Variants in PRDM9 observed in about 807,000 individuals in gnomAD.
PRDM9 encodes histone-lysine N-methyltransferase PRDM9.
PRDM9 carries 47 observed loss-of-function variants against 55.6 expected under a neutral mutation model. The ratio of observed to expected loss-of-function variants is 0.85; its 90% CI spans 0.67 to 1.08. The LOEUF is 1.08. Ranked by LOEUF, PRDM9 falls within the 50% of genes least tolerant of loss-of-function variation. PRDM9 has a pLI of 0.00. For synonymous variants in PRDM9, 312 were observed against 375.7 expected, an observed-to-expected ratio of 0.83 and a Z score of 1.96; for missense variants, 867 against 1,040.3, an observed-to-expected ratio of 0.83 and a Z score of 2.29.
Position 23,525,702 on chromosome 5 carries a change from T to C in PRDM9, c.1145-531T>C, listed in dbSNP as rs575895469. On this transcript the variant is annotated intron_variant, in intron 10 of 10. Coordinates refer to ENST00000296682, the MANE Select transcript of PRDM9 (RefSeq NM_020227.4). ...CAGATTTGCTCACACATCTTCTCTT[T>C]AACCACATTTGTGGATCTCCAGCCT... Among the ~76,000 whole-genome samples the C allele has an allele frequency of 4.7e-4, 71 of 152,340 alleles. 1 individual carries two copies. The South Asian group carries it at 0.014, about 29-fold the overall frequency.
In PRDM9 at chr5:23,517,801, A is replaced by G. The variant is rs1579591753; in HGVS notation, c.302-80A>G. 3.6e-6 allele frequency: 5 copies of G among 1,371,670 alleles called. No homozygotes were observed. The East Asian group carries it at 9.2e-5, about 25-fold the overall frequency. The allele number at this position is 1,371,670 out of a possible 1,614,324, so 85.0% of individuals were successfully genotyped here. On this transcript the variant is annotated intron_variant, in intron 4 of 10. Coordinates refer to ENST00000296682, the MANE Select transcript of PRDM9 (RefSeq NM_020227.4). ...GACTCCGTCTCAAAAATAAAAAATA[A>G]AAATAAAAAATAGAAGAGAGAATCT...
rs367696112 is a variant in PRDM9, at chr5:23,522,588, C to G, written c.611-26C>G. 5.2e-4 allele frequency: 842 copies of G among 1,614,190 alleles called. 1 individual carries two copies. The highest frequency in any genetic ancestry group is 3.8e-3 in the Middle Eastern group (23 of 6,062). ...TCAAGGAACATGCATTACAACTTTC[C>G]TAATCTCTGCTTCCCTCACTTCCAG... On this transcript the variant is annotated intron_variant, in intron 7 of 10. Coordinates refer to ENST00000296682, the MANE Select transcript of PRDM9 (RefSeq NM_020227.4).
At chr5:23,525,734 TC>T (rs1739416843) in intron 10 of PRDM9, among the ~76,000 whole-genome samples, 1 of 152,140 alleles carries the variant, frequency 6.6e-6, no homozygotes, top group Admixed American at 6.5e-5. Flanking sequence ...GCCTGAGTGC[TC>T]TTAATAGATC....
rs745775729 is a variant in PRDM9, at chr5:23,526,672, G to A, written c.1584G>A (p.Glu528=). ...ISRIAKVKYG[E]CGQGFSVKSD... is the part of the protein sequence containing the mutation. Reference sequence around the variant, plus strand: ...GAATTGCAAAAGTCAAGTATGGAGAGTGTGGACAAGGTTTCAGTGTTAAAT... The same window carrying A: ...GAATTGCAAAAGTCAAGTATGGAGAATGTGGACAAGGTTTCAGTGTTAAAT... The change falls in exon 11 of 11, where the codon GAG becomes GAA. Residue 528 remains glutamate (E), a synonymous_variant. Coordinates refer to ENST00000296682, the MANE Select transcript of PRDM9 (RefSeq NM_020227.4). The A allele has an allele frequency of 1.9e-6, 3 of 1,614,134 alleles. No homozygotes were observed. Among genetic ancestry groups the A allele is most frequent in the South Asian group, 1.1e-5 (1 of 91,092 alleles).
Position 23,522,622 on chromosome 5 carries a change from A to T in PRDM9, c.619A>T (p.Met207Leu), listed in dbSNP as rs755766002. The T allele has an allele frequency of 1.2e-6, 2 of 1,614,228 alleles. No homozygotes were observed. Among genetic ancestry groups the T allele is most frequent in the African/African-American group, 1.3e-5 (1 of 75,046 alleles). The change falls in exon 8 of 11, where the codon ATG becomes TTG. Residue 207 changes from methionine (M) to leucine (L), a missense_variant. Physicochemically the swap from Met to Leu is conservative, Grantham distance 15. This residue lies in a region of PRDM9 where 662 missense variants were observed against 711.9 expected (regional missense o/e 0.93). Coordinates refer to ENST00000296682, the MANE Select transcript of PRDM9 (RefSeq NM_020227.4). ...GCTTCCCTCACTTCCAGATTGTGAGATGTGTCAGAACTTCTTCATTGACAG... is the reference window on the plus strand; with the variant it reads ...GCTTCCCTCACTTCCAGATTGTGAGTTGTGTCAGAACTTCTTCATTGACAG... ...PQDDDYLYCE[M>L]CQNFFIDSCA...
chr5:23,508,150 T>C (rs551304737), intron 1 of PRDM9, among the ~76,000 whole-genome samples: 1 of 152,102 alleles, frequency 6.6e-6, no homozygotes, highest in South Asian at 2.1e-4. Flanking sequence ...CCAAATCTCC[T>C]TTACCTGAGA....
At chr5:23,514,073 T>A (rs1420852102) in intron 4 of PRDM9, among the ~76,000 whole-genome samples, 2 of 152,214 alleles carry the variant, frequency 1.3e-5, no homozygotes, top group East Asian at 3.9e-4. Context: ...ATAAGTGACA[T>A]CTCGCTGTGG....
At chr5:23,519,732 T>C (rs1739288916) in intron 5 of PRDM9, among the ~76,000 whole-genome samples, 1 of 152,070 alleles carries the variant, frequency 6.6e-6, no homozygotes, top group South Asian at 2.1e-4. Context: ...CATTATTATC[T>C]TTCATGTTCA....
intron 4 of PRDM9, among the ~76,000 whole-genome samples, chr5:23,511,416 G>A (rs1239801875): frequency 6.6e-6 from 1 of 152,088 alleles, no homozygotes; most frequent in African/African-American, 2.4e-5. Context: ...CACAATATCA[G>A]CTCACTGCAA....
Position 23,526,282 on chromosome 5 carries a change from A to C in PRDM9, c.1194A>C (p.Ser398=). The C allele has an allele frequency of 6.2e-7, 1 of 1,614,160 alleles. No individual in the cohort carries two copies. Among genetic ancestry groups the C allele is most frequent in the South Asian group, 1.1e-5 (1 of 91,078 alleles). Residue 398 remains serine (S), a synonymous_variant, in exon 11 of 11, where the codon TCA becomes TCC. Transcript: ENST00000296682. ...HPCPSCCLAF[S]SQKFLSQHVE... ...GTCCCTCATGCTGTCTGGCCTTTTC[A>C]AGTCAGAAATTTCTCAGTCAACATG... is the stretch of plus-strand genomic sequence containing the variant.
chr5:23,510,179 C>T lies in PRDM9; in HGVS notation c.301+152C>T, dbSNP rs560238901. The T allele has an allele frequency of 1.5e-4, 120 of 810,408 alleles. No homozygotes were observed. The East Asian group carries it at 3.3e-3, about 22-fold the overall frequency. 50.2% of individuals were successfully genotyped at this position (810,408 alleles called of 1,614,324 possible). ...AAGCGATTCTCCTGCCTCAGCCTCC[C>T]AAGTAACTGGGATTACAAGCATCCA... is the stretch of plus-strand genomic sequence containing the variant. On this transcript the variant is annotated intron_variant, in intron 4 of 10. Transcript: ENST00000296682.
chr5:23,520,320 G>A (rs1358407217), intron 5 of PRDM9, among the ~76,000 whole-genome samples: 4 of 143,930 alleles, frequency 2.8e-5, no homozygotes, highest in South Asian at 2.2e-4. Context: ...AGCTGATATC[G>A]TGCCACTGCA....
Position 23,509,960 on chromosome 5 carries a change from G to A in PRDM9, c.234G>A (p.Arg78=), listed in dbSNP as rs771726385. The A allele has an allele frequency of 6.2e-7, 1 of 1,613,934 alleles. No individual in the cohort carries two copies. The highest frequency in any genetic ancestry group is 8.5e-7 in the Non-Finnish European group (1 of 1,179,998). The change falls in exon 4 of 11, where the codon AGG becomes AGA. Residue 78 remains arginine (R), a synonymous_variant. Transcript: ENST00000296682. ...ATRPAFMCHR[R]QAIKLQVDDT... is the part of the protein sequence containing the mutation. ...GACCAGCTTTCATGTGTCACCGAAG[G>A]CAGGCCATCAAACTCCAGGTGGATG...
chr5:23,511,773 A>G (rs1343044852), intron 4 of PRDM9, among the ~76,000 whole-genome samples: 1 of 152,176 alleles, frequency 6.6e-6, no homozygotes, highest in Non-Finnish European at 1.5e-5. Context: ...ACAACAAAAG[A>G]AGGAAGGGCT....
chr5:23,516,823 G>A (rs1359866682), intron 4 of PRDM9, among the ~76,000 whole-genome samples: 26 of 136,038 alleles, frequency 1.9e-4, no homozygotes, highest in African/African-American at 6.1e-4. Context: ...AGATTGAAGC[G>A]ATTCTCCTGC....
At position 23,526,501 on chromosome 5, in the gene PRDM9, G is replaced by A. The variant is rs1444052979; in HGVS notation, c.1413G>A (p.Glu471=). ...KLLNKRTWQR[E]ISRAFSSPPK... Reference sequence around the variant, plus strand: ...TGAATAAAAGGACATGGCAGAGGGAGATTTCAAGGGCCTTTTCTAGCCCAC... The same window carrying A: ...TGAATAAAAGGACATGGCAGAGGGAAATTTCAAGGGCCTTTTCTAGCCCAC... The change falls in exon 11 of 11, where the codon GAG becomes GAA. Residue 471 remains glutamate, a synonymous_variant. Coordinates refer to ENST00000296682, the MANE Select transcript of PRDM9 (RefSeq NM_020227.4). 2 of 1,614,050 alleles carry A rather than the reference G, an allele frequency of 1.2e-6. No homozygotes were observed. Among genetic ancestry groups the A allele is most frequent in the South Asian group, 1.1e-5 (1 of 91,070 alleles).
chr5:23,514,321 T>G (rs944848785), intron 4 of PRDM9, among the ~76,000 whole-genome samples: 1 of 152,252 alleles, frequency 6.6e-6, no homozygotes, highest in Non-Finnish European at 1.5e-5. Context: ...GGTTGGGTTC[T>G]GGTGAGGGGT....
intron 4 of PRDM9, among the ~76,000 whole-genome samples, chr5:23,510,311 T>C (rs1739069251): frequency 6.6e-6 from 1 of 152,032 alleles, no homozygotes; most frequent in Non-Finnish European, 1.5e-5. Context: ...TCTACCCATC[T>C]TGGCCTTCCA....
In PRDM9 at chr5:23,518,045, C is replaced by A. The variant is rs138899992; in HGVS notation, c.351+115C>A. On this transcript the variant is annotated intron_variant, in intron 5 of 10. Coordinates refer to ENST00000296682, the MANE Select transcript of PRDM9 (RefSeq NM_020227.4). ...AACTAATGCCTTCTTTTCCTGATCT[C>A]TTTAGCACAGTGTCTGACATCATCA... 4.1e-4 allele frequency: 387 copies of A among 954,614 alleles called. 1 individual carries two copies. The African/African-American group carries it at 5.8e-3, about 14-fold the overall frequency. 59.1% of individuals were successfully genotyped at this position (954,614 alleles called of 1,614,324 possible).
Sources: gnomAD v4.1 joint callset for allele counts (sites outside exome capture counted in the v4.1 genomes callset) on GRCh38, gnomAD v4.1.1 for gene constraint, gnomAD v4.1.1 regional missense constraint, MANE v1.5 for transcripts, NCBI Gene and HGNC (gene_info 2026-07-23, HGNC 2026-07-21) for gene names.